TFPI2: variants seen among roughly 807,000 people sequenced by gnomAD.
The protein encoded by TFPI2 is tissue factor pathway inhibitor 2, also known as placental protein 5.
Under a neutral mutation model 23.1 loss-of-function variants are expected in TFPI2, and 23 were observed. The observed-to-expected ratio is 1.00, with a 90% CI of 0.72 to 1.41. TFPI2 has a LOEUF of 1.41. TFPI2 is among the 40% of genes most tolerant of loss of function. The pLI, the probability that TFPI2 is intolerant of heterozygous loss-of-function variation, is 0.00. For synonymous variants in TFPI2, 119 were observed against 111.7 expected (o/e 1.07, Z -0.41); for missense variants, 291 against 299.6 (o/e 0.97, Z 0.21).
chr7:93,888,589 G>GAAAGAGAAAGAAAGAAAGAAGGAA (rs1554337287), intron 3 of TFPI2, among the ~76,000 whole-genome samples: 6 of 103,348 alleles, frequency 5.8e-5, no homozygotes, highest in African/African-American at 2.4e-4. Flanking sequence ...AGGAAGGAAA[G>GAAAGAGAAAGAAAGAAAGAAGGAA]AGAAAGAAAG....
chr7:93,886,631 GA>G lies in TFPI2; in HGVS notation c.*188del. Reference sequence around the variant, plus strand: ...GTTGAACCATAAATTAAAAATGGTAGACTCACATTTGAATAGCAGCTAGTTA... The same window carrying G: ...GTTGAACCATAAATTAAAAATGGTAGCTCACATTTGAATAGCAGCTAGTTA... On this transcript the variant is annotated 3_prime_UTR_variant, in exon 5 of 5. Coordinates refer to ENST00000222543, the MANE Select transcript of TFPI2 (RefSeq NM_006528.4). 1 of 459,262 alleles carries G rather than the reference GA, an allele frequency of 2.2e-6. No homozygotes were observed. Among genetic ancestry groups the G allele is most frequent in the Non-Finnish European group, 3.8e-6 (1 of 264,804 alleles). 28.4% of individuals were successfully genotyped at this position (459,262 alleles called of 1,614,324 possible).
At chr7:93,888,486 G>A (rs1794038867) in intron 3 of TFPI2, among the ~76,000 whole-genome samples, 1 of 143,754 alleles carries the variant, frequency 7.0e-6, no homozygotes, top group African/African-American at 2.6e-5. Context: ...GTGACACCCC[G>A]TCGAAAGAAA....
intron 4 of TFPI2, 53 bp downstream of exon 4, chr7:93,887,208 G>A (rs1794010231): frequency 1.3e-6 from 2 of 1,502,070 alleles, no homozygotes; most frequent in African/African-American, 2.9e-5. Flanking sequence ...TAATTTTTCT[G>A]ATAAGTTATT....
rs993606380 is a variant in TFPI2 at position 93,886,053 on chromosome 7, A to G, written c.*767T>C. On this transcript the variant is annotated 3_prime_UTR_variant, in exon 5 of 5. Coordinates refer to ENST00000222543, the MANE Select transcript of TFPI2 (RefSeq NM_006528.4). ...AATAAACACCTTAAACAGTATAAAC[A>G]TTTGAAAAACTTTACTTTCCTTGGT... 1 of 152,062 alleles carries G rather than the reference A, an allele frequency of 6.6e-6. No homozygotes were observed. Among genetic ancestry groups the G allele is most frequent in the Non-Finnish European group, 1.5e-5 (1 of 67,936 alleles). The allele number at this position is 152,062 out of a possible 1,614,324, so 9.4% of individuals were successfully genotyped here.
intron 2 of TFPI2, 47 bp from the exon 3 acceptor site, chr7:93,889,270 C>T: frequency 6.7e-7 from 1 of 1,485,536 alleles, no homozygotes; most frequent in East Asian, 2.4e-5. Context: ...AAGTAGCCTT[C>T]TTATTAAACC....
At position 93,887,263 on chromosome 7, in the gene TFPI2, T is replaced by C. The variant is rs149186059; in HGVS notation, c.629A>G (p.Lys210Arg). 3.6e-5 allele frequency: 58 copies of C among 1,608,220 alleles called. 1 individual carries two copies. In the African/African-American group the frequency reaches 6.8e-4, roughly 19 times the overall value. Residue 210 changes from lysine to arginine, a missense_variant and splice_region_variant, in exon 4 of 5, where the codon AAA (lysine) becomes AGA (arginine). Transcript: ENST00000222543. The part of the protein sequence containing the change: ...SREDCKRACA[K>R]ALKKKKKMPK... ...TGGAATAAGAAAACATTCACTACCT[T>C]TTGCACATGCACGTTTGCAATCCTC...
In TFPI2 at chr7:93,886,875, ATCT is replaced by A. The variant is rs776037089; in HGVS notation, c.650_652del (p.Lys217del). The A allele has an allele frequency of 2.5e-5, 38 of 1,550,074 alleles. No homozygotes were observed. The highest frequency in any genetic ancestry group is 1.7e-4 in the Middle Eastern group (1 of 5,912). On this transcript the variant is annotated inframe_deletion, in exon 5 of 5. Transcript: ENST00000222543. ...TCTACTGGCAAAGCGAAGCTTTGGC[ATCT>A]TCTTTTTCTTTTTCAAAGCTAAAAT...
chr7:93,886,980 G>A, intron 4 of TFPI2, 84 bp from the exon 5 acceptor site: 1 of 1,015,972 alleles, frequency 9.8e-7, no homozygotes. Context: ...TAAGGTTATT[G>A]AGCTCACTTC....
At chr7:93,887,591 G>A (rs1794020179) in intron 3 of TFPI2, among the ~76,000 whole-genome samples, 160 bp from the exon 4 acceptor site, 1 of 152,126 alleles carries the variant, frequency 6.6e-6, no homozygotes, top group Admixed American at 6.6e-5. Flanking sequence ...TCAAATTGCA[G>A]GTAAGCTTAC....
At chr7:93,890,540 C>G (rs1362168520) in intron 1 of TFPI2, 51 bp downstream of exon 1, 1 of 1,585,782 alleles carries the variant, frequency 6.3e-7, no homozygotes, top group African/African-American at 1.3e-5. Context: ...CCATGGCCCG[C>G]TGCGCCCTCT....
chr7:93,886,846 G>A lies in TFPI2; in HGVS notation c.682C>T (p.Arg228Trp), dbSNP rs143367024. 7.9e-4 allele frequency: 1,221 copies of A among 1,552,370 alleles called. 7 individuals carry two copies. In the African/African-American group the frequency reaches 0.014, roughly 18 times the overall value. Residue 228 changes from arginine (R) to tryptophan (W), a missense_variant, in exon 5 of 5, where the codon CGG becomes TGG. Coordinates refer to ENST00000222543, the MANE Select transcript of TFPI2 (RefSeq NM_006528.4). ...TAAAATTGCTTCTTCCGAATTTTCC[G>A]GATTCTACTGGCAAAGCGAAGCTTT... is the stretch of plus-strand genomic sequence containing the variant. ...MPKLRFASRI[R>W]KIRKKQF
At chr7:93,888,983 C>G in intron 3 of TFPI2, 52 bp downstream of exon 3, 1 of 1,534,640 alleles carries the variant, frequency 6.5e-7, no homozygotes, top group Non-Finnish European at 8.8e-7. Context: ...TTTTTCCACC[C>G]AAATGTCTTT....
intron 1 of TFPI2, 29 bp from the exon 2 acceptor site, chr7:93,890,348 G>C (rs372823605): frequency 1.3e-6 from 2 of 1,586,080 alleles, no homozygotes; most frequent in Non-Finnish European, 1.7e-6. Flanking sequence ...GAGAGCAAAA[G>C]AGAGGGAAAG....
rs544223045 is a variant in TFPI2, at chr7:93,889,278, A to G, written c.272-55T>C. On this transcript the variant is annotated intron_variant, in intron 2 of 4. Coordinates refer to ENST00000222543, the MANE Select transcript of TFPI2 (RefSeq NM_006528.4). ...TAGTCAAAAGTAGCCTTCTTATTAA[A>G]CCATCACTGTATTTTCAGCAACATT... 4.2e-5 allele frequency: 62 copies of G among 1,465,788 alleles called. 1 individual carries two copies. The Admixed American group carries it at 1.2e-3, about 27-fold the overall frequency. 90.8% of individuals were successfully genotyped at this position (1,465,788 alleles called of 1,614,324 possible).
chr7:93,887,284 T>C lies in TFPI2; in HGVS notation c.608A>G (p.Asp203Gly), dbSNP rs1794013115. ...GNDNNFVSRE[D>G]CKRACAKALK... ...ACCTTTTGCACATGCACGTTTGCAA[T>C]CCTCCCTGCTAACAAAGTTATTGTC... The change falls in exon 4 of 5, where the codon GAT becomes GGT. Residue 203 changes from aspartate to glycine, a missense_variant. By Grantham distance (94) the Asp-to-Gly change is moderately conservative. Transcript: ENST00000222543. 1 of 1,611,778 alleles carries C rather than the reference T, an allele frequency of 6.2e-7. No homozygotes were observed. The highest frequency in any genetic ancestry group is 8.5e-7 in the Non-Finnish European group (1 of 1,179,012).
chr7:93,886,753 ATTC>A lies in TFPI2; in HGVS notation c.*64_*66del. The A allele has an allele frequency of 1.0e-6, 1 of 973,040 alleles. No individual in the cohort carries two copies. Among genetic ancestry groups the A allele is most frequent in the Non-Finnish European group, 1.5e-6 (1 of 662,028 alleles). 60.3% of individuals were successfully genotyped at this position (973,040 alleles called of 1,614,324 possible). A position where few individuals can be genotyped will look rare whatever the true frequency, so the allele number is the denominator to read the frequency against. On this transcript the variant is annotated 3_prime_UTR_variant, in exon 5 of 5. Transcript: ENST00000222543. ...ATTTGTTTCCTCATGCTGTCATATT[ATTC>A]TTCAGATACAACCATAAAGGCAAAT...
chr7:93,890,510 G>C, intron 1 of TFPI2, 81 bp downstream of exon 1: 1 of 1,489,890 alleles, frequency 6.7e-7, no homozygotes, highest in Non-Finnish European at 9.0e-7. Flanking sequence ...GCGAGGCTTG[G>C]AGGGCGCCTA....
intron 3 of TFPI2, 44 bp downstream of exon 3, chr7:93,888,990 CT>C (rs1486723314): frequency 1.3e-6 from 2 of 1,548,310 alleles, no homozygotes; most frequent in African/African-American, 2.8e-5. Flanking sequence ...ACCCAAATGT[CT>C]TTTCAAAAAA....
Position 93,890,710 on chromosome 7 carries a change from G to T in TFPI2, c.-32C>A, listed in dbSNP as rs373502152. On this transcript the variant is annotated 5_prime_UTR_variant, in exon 1 of 5. Coordinates refer to ENST00000222543, the MANE Select transcript of TFPI2 (RefSeq NM_006528.4). ...GGGGGTCGGGCGGCCCGCTGGGCAA[G>T]GCGTCCGAGAAAGCGCCTGGCGGGA... 1 of 1,590,272 alleles carries T rather than the reference G, an allele frequency of 6.3e-7. No homozygotes were observed. The highest frequency in any genetic ancestry group is 1.8e-4 in the Middle Eastern group (1 of 5,598).
Sources: allele counts gnomAD v4.1 joint callset (sites outside exome capture counted in the v4.1 genomes callset), GRCh38; gene constraint gnomAD v4.1.1; transcripts MANE v1.5; gene names NCBI Gene and HGNC (gene_info 2026-07-23, HGNC 2026-07-21).